The following SHISA6 variants were observed in gnomAD, a reference collection of about 807,000 sequenced individuals.
SHISA6 encodes protein shisa-6.
SHISA6 carries 22 observed loss-of-function variants against 47.9 expected under a neutral mutation model. That is an observed-to-expected ratio of 0.46 (90% CI 0.33 to 0.66). The LOEUF is 0.66. Among genes scored for constraint, SHISA6 ranks in the 30% least tolerant of loss-of-function variants. The pLI, the probability that SHISA6 is intolerant of heterozygous loss-of-function variation, is 0.02. For synonymous variants in SHISA6, 388 were observed against 337.8 expected (o/e 1.15, Z -1.63); for missense variants, 680 against 764.6 (o/e 0.89, Z 1.30).
At chr17:11,333,628 C>T (rs914585698) in intron 2 of SHISA6, among the ~76,000 whole-genome samples, 2 of 152,140 alleles carry the variant, frequency 1.3e-5, no homozygotes, top group African/African-American at 4.8e-5. Context: ...GATTCTCATG[C>T]CTCAGCCTCC....
At chr17:11,355,335 C>T (rs974614971) in intron 2 of SHISA6, among the ~76,000 whole-genome samples, 2 of 152,230 alleles carry the variant, frequency 1.3e-5, no homozygotes, top group Non-Finnish European at 2.9e-5. Context: ...TGAGAATCCT[C>T]CCTTTACCTT....
At chr17:11,386,904 C>A (rs762354817) in intron 3 of SHISA6, among the ~76,000 whole-genome samples, 16 of 152,168 alleles carry the variant, frequency 1.1e-4, no homozygotes, top group Non-Finnish European at 2.1e-4. Flanking sequence ...CACTGAAAGT[C>A]CTGTGTCCTA....
chr17:11,354,386 C>G lies in SHISA6; in HGVS notation c.800-25028C>G, dbSNP rs943357334. On this transcript the variant is annotated intron_variant, in intron 2 of 5. Transcript: ENST00000441885. ...CACTGCCTGCCTTTTCTCCCTTCTA[C>G]ACACTCTGCCACCACACAGGATGGA... Among the ~76,000 whole-genome samples, 6 of 152,126 alleles carry G rather than the reference C, an allele frequency of 3.9e-5. 1 individual carries two copies. Among genetic ancestry groups the G allele is most frequent in the Admixed American group, 3.3e-4 (5 of 15,274 alleles).
At position 11,249,539 on chromosome 17, in the gene SHISA6, C is replaced by T. The variant is rs1468552776; in HGVS notation, c.638+7479C>T. On this transcript the variant is annotated intron_variant, in intron 1 of 5. Transcript: ENST00000441885. ...GTGGCATGCAGTTTGGGGGTTTTCC[C>T]TGTAATGTGCTTGATACTTCCTTTG... Among the ~76,000 whole-genome samples the T allele has an allele frequency of 2.0e-5, 3 of 152,088 alleles. No individual in the cohort carries two copies. In the East Asian group the frequency reaches 5.8e-4, roughly 29 times the overall value.
At chr17:11,323,361 T>C (rs1971673) in intron 2 of SHISA6, among the ~76,000 whole-genome samples, 41,269 of 151,888 alleles carry the variant, frequency 0.27, 6,495 homozygotes, top group Non-Finnish European at 0.35. Context: ...ATACATATAA[T>C]AATAACACAT....
chr17:11,398,128 G>T (rs1285299242), intron 3 of SHISA6, among the ~76,000 whole-genome samples: 2 of 151,894 alleles, frequency 1.3e-5, no homozygotes, highest in Non-Finnish European at 2.9e-5. Flanking sequence ...GCGTAATTTT[G>T]GGAGAAAATT....
At chr17:11,262,863 A>T (rs372032776) in intron 1 of SHISA6, among the ~76,000 whole-genome samples, 1 of 152,110 alleles carries the variant, frequency 6.6e-6, no homozygotes, top group Non-Finnish European at 1.5e-5. Context: ...TTGCAGCTCA[A>T]TCACACCCTT....
At chr17:11,283,641 CA>C (rs1407930345) in intron 2 of SHISA6, among the ~76,000 whole-genome samples, 4 of 152,182 alleles carry the variant, frequency 2.6e-5, no homozygotes, top group African/African-American at 9.7e-5. Context: ...AGCACCATGC[CA>C]TATGAACTCA....
intron 3 of SHISA6, among the ~76,000 whole-genome samples, chr17:11,400,658 A>C (rs890317388): frequency 9.9e-5 from 15 of 152,122 alleles, no homozygotes; most frequent in African/African-American, 3.6e-4. Context: ...CATACTTCTG[A>C]TCAGAATCTT....
chr17:11,375,638 C>T (rs1912774234), intron 2 of SHISA6, among the ~76,000 whole-genome samples: 1 of 152,170 alleles, frequency 6.6e-6, no homozygotes, highest in Non-Finnish European at 1.5e-5. Context: ...GTATCACACA[C>T]TCCAGGAGCC....
chr17:11,343,380 C>T (rs911187868), intron 2 of SHISA6, among the ~76,000 whole-genome samples: 3 of 152,104 alleles, frequency 2.0e-5, no homozygotes, highest in African/African-American at 4.8e-5. Flanking sequence ...GAAGCAGAGC[C>T]TGAAACAAAG....
rs1468142229 is a variant in SHISA6 at position 11,387,308 on chromosome 17, T to A, written c.895+7799T>A. The stretch of plus-strand genomic sequence containing the variant: ...TAAGGCAGAAAGTTCAGGGGCTAAA[T>A]GCTAAAAAAGGGGTGAGTGCATTGG... On this transcript the variant is annotated intron_variant, in intron 3 of 5. Coordinates refer to ENST00000441885, the MANE Select transcript of SHISA6 (RefSeq NM_207386.4). Among the ~76,000 whole-genome samples, 3 of 151,880 alleles carry A rather than the reference T, an allele frequency of 2.0e-5. No individual in the cohort carries two copies. The East Asian group carries it at 5.8e-4, about 29-fold the overall frequency.
chr17:11,403,868 C>A (rs1913858876), intron 3 of SHISA6, among the ~76,000 whole-genome samples: 1 of 152,190 alleles, frequency 6.6e-6, no homozygotes, highest in African/African-American at 2.4e-5. Flanking sequence ...TCCTCAGAGA[C>A]CTCCTGCCAG....
chr17:11,458,604 G>T (rs1312224129), intron 3 of SHISA6, among the ~76,000 whole-genome samples: 1 of 152,066 alleles, frequency 6.6e-6, no homozygotes, highest in African/African-American at 2.4e-5. Context: ...CAGGATGAGG[G>T]GCCCCTCTGC....
At chr17:11,272,532 C>A (rs1908718523) in intron 2 of SHISA6, among the ~76,000 whole-genome samples, 1 of 152,196 alleles carries the variant, frequency 6.6e-6, no homozygotes, top group Non-Finnish European at 1.5e-5. Flanking sequence ...ACTTAACCTT[C>A]CGTGCTTCAG....
intron 3 of SHISA6, among the ~76,000 whole-genome samples, chr17:11,423,368 T>C (rs1339037723): frequency 6.6e-6 from 1 of 150,434 alleles, no homozygotes; most frequent in Non-Finnish European, 1.5e-5. Context: ...GATAGATAGA[T>C]ATATGCATGC....
chr17:11,490,412 C>T (rs1375287414), intron 3 of SHISA6, among the ~76,000 whole-genome samples: 1 of 152,136 alleles, frequency 6.6e-6, no homozygotes, highest in Non-Finnish European at 1.5e-5. Context: ...CAGAATTCTC[C>T]TGCCGATGAA....
At chr17:11,451,101 A>C (rs544132199) in intron 3 of SHISA6, among the ~76,000 whole-genome samples, 1 of 151,894 alleles carries the variant, frequency 6.6e-6, no homozygotes, top group South Asian at 2.1e-4. Context: ...AGAAGCTGGG[A>C]AATGAGGAAG....
At chr17:11,520,033 G>A (rs2071616185) in intron 3 of SHISA6, among the ~76,000 whole-genome samples, 1 of 149,444 alleles carries the variant, frequency 6.7e-6, no homozygotes, top group South Asian at 2.2e-4. Flanking sequence ...TGTACACACT[G>A]TTCTTTTATC....
Sources: allele counts gnomAD v4.1 joint callset (sites outside exome capture counted in the v4.1 genomes callset), GRCh38; gene constraint gnomAD v4.1.1; transcripts MANE v1.5; gene names NCBI Gene and HGNC (gene_info 2026-07-23, HGNC 2026-07-21).